CATSPER4: variants seen among roughly 807,000 people sequenced by gnomAD.
CATSPER4 encodes the protein cation channel sperm associated 4, also known as cation channel sperm-associated protein 4.
CATSPER4 carries 46 observed loss-of-function variants against 54.4 expected under a neutral mutation model. The ratio of observed to expected loss-of-function variants is 0.84; its 90% CI spans 0.67 to 1.08. The LOEUF is 1.08. Among genes scored for constraint, CATSPER4 ranks in the 50% least tolerant of loss-of-function variants. CATSPER4 has a pLI of 0.00. For synonymous variants in CATSPER4, 230 were observed against 231.9 expected, an observed-to-expected ratio of 0.99 and a Z score of 0.08; for missense variants, 574 against 612.8, an observed-to-expected ratio of 0.94 and a Z score of 0.67.
Position 26,201,390 on chromosome 1 carries a change from G to A in CATSPER4, c.1236G>A (p.Gln412=), listed in dbSNP as rs1178393928. The A allele has an allele frequency of 1.9e-6, 3 of 1,614,166 alleles. No homozygotes were observed. Among genetic ancestry groups the A allele is most frequent in the Admixed American group, 3.3e-5 (2 of 60,032 alleles). Residue 412 remains glutamine, a synonymous_variant, in exon 9 of 10, where the codon CAG becomes CAA. Coordinates refer to ENST00000456354, the MANE Select transcript of CATSPER4 (RefSeq NM_198137.2). ...AGGTGCGCGCAATCCGCTTCAACCAGGAGCAGGAGTCAGAGGTGTTGAACA... is the reference window on the plus strand; with the variant it reads ...AGGTGCGCGCAATCCGCTTCAACCAAGAGCAGGAGTCAGAGGTGTTGAACA... ...VEEVRAIRFN[Q]EQESEVLNRR... is the part of the protein sequence containing the mutation.
At chr1:26,196,666 C>G (rs1258318823) in intron 3 of CATSPER4, among the ~76,000 whole-genome samples, 1 of 152,050 alleles carries the variant, frequency 6.6e-6, no homozygotes, top group Non-Finnish European at 1.5e-5. Flanking sequence ...CCACCTCAGC[C>G]TCCCAAAGTG....
chr1:26,191,575 C>A (rs1336935372), intron 2 of CATSPER4, 145 bp downstream of exon 2: 1 of 967,728 alleles, frequency 1.0e-6, no homozygotes, highest in Non-Finnish European at 1.6e-6. Context: ...TTCTAGGAAT[C>A]TGGAGATCAA....
Position 26,197,684 on chromosome 1 carries a change from A to G in CATSPER4, c.460-2A>G. 6.2e-7 allele frequency: 1 copy of G among 1,612,322 alleles called. No individual in the cohort carries two copies. The highest frequency in any genetic ancestry group is 8.5e-7 in the Non-Finnish European group (1 of 1,179,532). On this transcript the variant is annotated splice_acceptor_variant, in intron 3 of 9. Coordinates refer to ENST00000456354, the MANE Select transcript of CATSPER4 (RefSeq NM_198137.2). LOFTEE classifies it high-confidence loss of function. ...CCCCACTGGGGCTGGCCCACTCCCC[A>G]GGACGGCTGGAACATCCTCAACTTC...
At chr1:26,195,784 A>C (rs186982247) in intron 3 of CATSPER4, among the ~76,000 whole-genome samples, 1,658 of 151,944 alleles carry the variant, frequency 0.011, 39 homozygotes, top group African/African-American at 0.038. Flanking sequence ...TTACAGGCAT[A>C]AGCCACCGCG....
chr1:26,196,810 A>G (rs2088943709), intron 3 of CATSPER4, among the ~76,000 whole-genome samples: 1 of 151,950 alleles, frequency 6.6e-6, no homozygotes, highest in African/African-American at 2.4e-5. Context: ...CAGATTTTTC[A>G]TACCTGTGAG....
At position 26,201,372 on chromosome 1, in the gene CATSPER4, C is replaced by T. The variant is rs17163674; in HGVS notation, c.1218C>T (p.Arg406=). 200,185 of 1,613,796 alleles carry T rather than the reference C, an allele frequency of 0.12. 13,420 individuals are homozygous for T. Among genetic ancestry groups the T allele is most frequent in the South Asian group, 0.18 (16,293 of 91,064 alleles). ...CCCCCAGGATTGTGGAGGAGGTGCG[C>T]GCAATCCGCTTCAACCAGGAGCAGG... is the stretch of plus-strand genomic sequence containing the variant. ...DELNMIVEEV[R]AIRFNQEQES... The change falls in exon 9 of 10, where the codon CGC becomes CGT. Residue 406 remains arginine, a synonymous_variant. Coordinates refer to ENST00000456354, the MANE Select transcript of CATSPER4 (RefSeq NM_198137.2).
At chr1:26,197,817 C>T (rs2088959094) in intron 4 of CATSPER4, 34 bp downstream of exon 4, 3 of 1,606,236 alleles carry the variant, frequency 1.9e-6, no homozygotes, top group African/African-American at 2.7e-5. Flanking sequence ...TGAGGGGGAC[C>T]TATCTGGAAC....
chr1:26,202,269 C>T lies in CATSPER4; in HGVS notation c.1366-220C>T, dbSNP rs147697323. Among the ~76,000 whole-genome samples, 152 of 152,236 alleles carry T rather than the reference C, an allele frequency of 1.0e-3. 2 individuals carry two copies. Among genetic ancestry groups the T allele is most frequent in the African/African-American group, 3.1e-3 (130 of 41,516 alleles). On this transcript the variant is annotated intron_variant, in intron 9 of 9. Transcript: ENST00000456354. ...CTGGAGAGAAAAAGGCACACACCCACGTTACTTAGTTTCTTTTTCTGCCCC... is the reference window on the plus strand; with the variant it reads ...CTGGAGAGAAAAAGGCACACACCCATGTTACTTAGTTTCTTTTTCTGCCCC...
intron 2 of CATSPER4, among the ~76,000 whole-genome samples, chr1:26,193,186 G>A (rs2088891960): frequency 6.6e-6 from 1 of 152,078 alleles, no homozygotes; most frequent in Non-Finnish European, 1.5e-5. Flanking sequence ...TTTCGAGGTT[G>A]AGAGAAAGTG....
Position 26,199,864 on chromosome 1 carries a change from C to T in CATSPER4, c.813-20C>T. The T allele has an allele frequency of 6.2e-7, 1 of 1,612,824 alleles. No individual in the cohort carries two copies. The highest frequency in any genetic ancestry group is 8.5e-7 in the Non-Finnish European group (1 of 1,179,400). ...TTGAAGGGCCAGGGAAATGATGGGG[C>T]CCCTGCCTGCCATCTGCAGGACAGA... is the stretch of plus-strand genomic sequence containing the variant. On this transcript the variant is annotated intron_variant, in intron 6 of 9. Transcript: ENST00000456354.
chr1:26,195,334 G>T (rs56292278), intron 3 of CATSPER4, among the ~76,000 whole-genome samples: 88,831 of 151,908 alleles, frequency 0.58, 26,578 homozygotes, highest in Non-Finnish European at 0.65. Flanking sequence ...CTCCCAGTTC[G>T]GCAGGCTGTG....
At chr1:26,197,910 A>AGGGGGG (rs1569907003) in intron 4 of CATSPER4, 47 bp from the exon 5 acceptor site, 1 of 1,606,182 alleles carries the variant, frequency 6.2e-7, no homozygotes, top group African/African-American at 1.3e-5. Flanking sequence ...TGAGGAGGGA[A>AGGGGGG]GGGGCTGGGA....
At chr1:26,193,944 T>A in intron 3 of CATSPER4, 56 bp downstream of exon 3, 2 of 1,161,896 alleles carry the variant, frequency 1.7e-6, no homozygotes, top group South Asian at 2.4e-5. Flanking sequence ...CACCACCCAG[T>A]CTGCCCCTGT....
rs12121284 is a variant in CATSPER4 at position 26,200,813 on chromosome 1, T to C, written c.988-17T>C. ...TGCCTGAGCTGTCCCGACCCCTCTC[T>C]ATCCCCCGCTTCCCAGACAGGCGCA... On this transcript the variant is annotated splice_polypyrimidine_tract_variant and intron_variant, in intron 7 of 9. Coordinates refer to ENST00000456354, the MANE Select transcript of CATSPER4 (RefSeq NM_198137.2). The C allele has an allele frequency of 0.23, 373,399 of 1,608,356 alleles. 45,810 individuals are homozygous for C. Among genetic ancestry groups the C allele is most frequent in the African/African-American group, 0.36 (27,053 of 74,756 alleles).
rs751979500 is a variant in CATSPER4, at chr1:26,200,866, C to T, written c.1024C>T (p.Pro342Ser). ...GGAAGAGGAGGAGAATGACCAGCTG[C>T]CACTGGTGCATTGTGTGGTCGCCCG... is the stretch of plus-strand genomic sequence containing the variant. ...AEEEEENDQL[P>S]LVHCVVARSE... The change falls in exon 8 of 10, where the codon CCA (proline) becomes TCA (serine). Residue 342 changes from proline to serine, a missense_variant. Physicochemically the swap from Pro to Ser is moderately conservative, Grantham distance 74. Coordinates refer to ENST00000456354, the MANE Select transcript of CATSPER4 (RefSeq NM_198137.2). The T allele has an allele frequency of 6.2e-7, 1 of 1,614,142 alleles. No homozygotes were observed. Among genetic ancestry groups the T allele is most frequent in the South Asian group, 1.1e-5 (1 of 91,084 alleles).
intron 1 of CATSPER4, 43 bp downstream of exon 1, chr1:26,190,883 T>G: frequency 6.5e-7 from 1 of 1,545,284 alleles, no homozygotes; most frequent in Non-Finnish European, 8.8e-7. Context: ...TCTGCAGCTG[T>G]GCTCATGGGC....
chr1:26,192,791 T>C (rs2088886686), intron 2 of CATSPER4, among the ~76,000 whole-genome samples: 1 of 151,862 alleles, frequency 6.6e-6, no homozygotes, highest in Admixed American at 6.6e-5. Flanking sequence ...AGTGGCCATA[T>C]GTGACAGTGG....
At chr1:26,197,386 T>C (rs1057495708) in intron 3 of CATSPER4, among the ~76,000 whole-genome samples, 18 of 152,206 alleles carry the variant, frequency 1.2e-4, no homozygotes, top group Non-Finnish European at 2.5e-4. Context: ...CAAGGCTGTT[T>C]TGAGCATGCT....
rs982025764 is a variant in CATSPER4, at chr1:26,198,484, G to T, written c.812+65G>T. On this transcript the variant is annotated intron_variant, in intron 6 of 9. Coordinates refer to ENST00000456354, the MANE Select transcript of CATSPER4 (RefSeq NM_198137.2). ...GGGCAGGGTAGCCGGTGGAGCTCCA[G>T]GCTGAGAGTGGGAGCTCCAGGGATT... 4.4e-6 allele frequency: 7 copies of T among 1,600,340 alleles called. 1 individual carries two copies. In the African/African-American group the frequency reaches 9.4e-5, roughly 21 times the overall value.
Sources: gnomAD v4.1 joint callset for allele counts (sites outside exome capture counted in the v4.1 genomes callset) on GRCh38, gnomAD v4.1.1 for gene constraint, MANE v1.5 for transcripts, NCBI Gene and HGNC (gene_info 2026-07-23, HGNC 2026-07-21) for gene names.